The following GSK3B variants were observed in gnomAD, a reference collection of about 807,000 sequenced individuals.
GSK3B encodes glycogen synthase kinase-3 beta.
Under a neutral mutation model 56.4 loss-of-function variants are expected in GSK3B, and 15 were observed. That is an observed-to-expected ratio of 0.27 (90% CI 0.18 to 0.41). The LOEUF is 0.41. Among genes scored for constraint, GSK3B ranks in the 10% least tolerant of loss-of-function variants. GSK3B has a pLI of 1.00. For synonymous variants in GSK3B, 181 were observed against 188.9 expected, an observed-to-expected ratio of 0.96 and a Z score of 0.34; for missense variants, 300 against 513.4, an observed-to-expected ratio of 0.58 and a Z score of 4.02.
At chr3:119,945,079 A>G (rs148934319) in intron 3 of GSK3B, among the ~76,000 whole-genome samples, 140 of 152,346 alleles carry the variant, frequency 9.2e-4, no homozygotes, top group African/African-American at 3.3e-3. Context: ...GTCCTGCCAG[A>G]ACAATTCAGA....
At chr3:120,063,974 GA>G (rs2058259120) in intron 1 of GSK3B, among the ~76,000 whole-genome samples, 1 of 152,006 alleles carries the variant, frequency 6.6e-6, no homozygotes, top group African/African-American at 2.4e-5. Context: ...GCAACAGAGT[GA>G]GACTCTGTCT....
At chr3:119,851,882 A>AT (rs963527364) in intron 9 of GSK3B, among the ~76,000 whole-genome samples, 4 of 152,102 alleles carry the variant, frequency 2.6e-5, no homozygotes, top group African/African-American at 7.2e-5. Flanking sequence ...ACATTTGTGT[A>AT]TTTTTTTAGG....
rs188089316 is a variant in GSK3B at position 119,935,519 on chromosome 3, C to A, written c.366+11749G>T. ...TTCCTAGCCTCATCTCCACTACAAT[C>A]CCCACTACCCCAACTTTATATACCA... On this transcript the variant is annotated intron_variant, in intron 3 of 10. Coordinates refer to ENST00000264235, the MANE Select transcript of GSK3B (RefSeq NM_001146156.2). 1.1e-4 allele frequency among the ~76,000 whole-genome samples: 16 copies of A among 152,232 alleles called. No individual in the cohort carries two copies. The East Asian group carries it at 3.1e-3, about 29-fold the overall frequency.
At chr3:119,884,225 T>C (rs1310922642) in intron 7 of GSK3B, among the ~76,000 whole-genome samples, 3 of 152,148 alleles carry the variant, frequency 2.0e-5, no homozygotes, top group South Asian at 2.1e-4. Context: ...AAGTATCTTA[T>C]GACACAATGA....
chr3:119,922,255 AAG>A (rs2056850136), intron 4 of GSK3B, among the ~76,000 whole-genome samples: 1 of 145,196 alleles, frequency 6.9e-6, no homozygotes, highest in South Asian at 2.2e-4. Flanking sequence ...GGAAGGAAGG[AAG>A]GAAGGAAGGA....
chr3:119,937,164 A>G (rs1458996025), intron 3 of GSK3B, among the ~76,000 whole-genome samples: 1 of 152,064 alleles, frequency 6.6e-6, no homozygotes, highest in Non-Finnish European at 1.5e-5. Context: ...AACAGACAAC[A>G]CACTTGCTAT....
At chr3:120,000,987 C>T (rs1446132904) in intron 2 of GSK3B, among the ~76,000 whole-genome samples, 7 of 139,952 alleles carry the variant, frequency 5.0e-5, no homozygotes, top group African/African-American at 1.1e-4. Flanking sequence ...TGCAGTGGCG[C>T]GATCTCGGCT....
chr3:119,843,554 C>T (rs1459300171), intron 9 of GSK3B: 2 of 245,636 alleles, frequency 8.1e-6, no homozygotes, highest in East Asian at 1.2e-4. Context: ...ATCAGCCTGG[C>T]CAACATGGTG....
Position 119,857,530 on chromosome 3 carries a change from T to C in GSK3B, c.1096+5889A>G, listed in dbSNP as rs527275416. 1.4e-4 allele frequency among the ~76,000 whole-genome samples: 21 copies of C among 152,366 alleles called. No individual in the cohort carries two copies. In the South Asian group the frequency reaches 4.3e-3, roughly 32 times the overall value. On this transcript the variant is annotated intron_variant, in intron 9 of 10. Coordinates refer to ENST00000264235, the MANE Select transcript of GSK3B (RefSeq NM_001146156.2). The stretch of plus-strand genomic sequence containing the variant: ...TATCATAAAGACTGCAGCAAATCAG[T>C]CACTTTTCAGGTTTCACTTTTAATT...
At chr3:119,965,129 T>G (rs1470172953) in intron 2 of GSK3B, among the ~76,000 whole-genome samples, 1 of 150,052 alleles carries the variant, frequency 6.7e-6, no homozygotes, top group Non-Finnish European at 1.5e-5. Flanking sequence ...CTCAGCTCAC[T>G]GCAACCTCCA....
intron 7 of GSK3B, among the ~76,000 whole-genome samples, chr3:119,886,336 A>G (rs1483328599): frequency 6.6e-6 from 1 of 152,136 alleles, no homozygotes; most frequent in African/African-American, 2.4e-5. Context: ...CAAAACCACA[A>G]TGAGATATCA....
Position 119,925,705 on chromosome 3 carries a change from T to TA in GSK3B, c.367-2223dup, listed in dbSNP as rs373158070. ...AAACTTGCTATTATTTCTCCCATCT[T>TA]AAAAAAAAAAAACTATCTCTAACCA... is the stretch of plus-strand genomic sequence containing the variant. On this transcript the variant is annotated intron_variant, in intron 3 of 10. Transcript: ENST00000264235. 5.6e-3 allele frequency among the ~76,000 whole-genome samples: 815 copies of TA among 145,030 alleles called. 5 individuals are homozygous for TA. Among genetic ancestry groups the TA allele is most frequent in the Middle Eastern group, 0.018 (5 of 284 alleles).
At chr3:120,077,612 T>A (rs1200428656) in intron 1 of GSK3B, among the ~76,000 whole-genome samples, 1 of 151,970 alleles carries the variant, frequency 6.6e-6, no homozygotes, top group Non-Finnish European at 1.5e-5. Flanking sequence ...TATCTAGGCT[T>A]TTGTTAAGAG....
intron 3 of GSK3B, among the ~76,000 whole-genome samples, chr3:119,930,630 T>A (rs892825795): frequency 1.3e-5 from 2 of 152,144 alleles, no homozygotes; most frequent in Non-Finnish European, 2.9e-5. Flanking sequence ...AATCAAAGTG[T>A]CAATGTATTA....
intron 1 of GSK3B, among the ~76,000 whole-genome samples, chr3:120,084,178 C>G (rs920675885): frequency 6.6e-6 from 1 of 152,100 alleles, no homozygotes; most frequent in Non-Finnish European, 1.5e-5. Flanking sequence ...CTTGTTTCTA[C>G]ATAGAATACT....
chr3:119,877,437 T>C (rs139940542), intron 7 of GSK3B, among the ~76,000 whole-genome samples: 1 of 152,302 alleles, frequency 6.6e-6, no homozygotes, highest in East Asian at 1.9e-4. Context: ...TATAAATAGT[T>C]GTATTGTTTT....
chr3:119,972,766 AT>A (rs1278911513), intron 2 of GSK3B, among the ~76,000 whole-genome samples: 1 of 152,038 alleles, frequency 6.6e-6, no homozygotes. Flanking sequence ...TGTGATATGG[AT>A]TTTTTAAGCA....
rs577613531 is a variant in GSK3B at position 119,910,157 on chromosome 3, CTTAGAA to C, written c.715+2541_715+2546del. On this transcript the variant is annotated intron_variant, in intron 6 of 10. Coordinates refer to ENST00000264235, the MANE Select transcript of GSK3B (RefSeq NM_001146156.2). ...TAAATAAGAAAGTAAAAAAAAGTTA[CTTAGAA>C]TTAATTTAAATTCTTAAGGTAAAAG... 5.3e-4 allele frequency among the ~76,000 whole-genome samples: 80 copies of C among 152,158 alleles called. No individual in the cohort carries two copies. In the South Asian group the frequency reaches 0.011, roughly 22 times the overall value.
chr3:120,085,109 T>G (rs2107581268), intron 1 of GSK3B, among the ~76,000 whole-genome samples: 1 of 152,338 alleles, frequency 6.6e-6, no homozygotes, highest in Middle Eastern at 3.4e-3. Context: ...ATCTTTAAAA[T>G]TTTGAACCAT....
Sources: allele counts gnomAD v4.1 joint callset (sites outside exome capture counted in the v4.1 genomes callset), GRCh38; gene constraint gnomAD v4.1.1; transcripts MANE v1.5; gene names NCBI Gene and HGNC (gene_info 2026-07-23, HGNC 2026-07-21).